The following OSBPL8 variants were observed in gnomAD, a reference collection of about 807,000 sequenced individuals.
The protein encoded by OSBPL8 is oxysterol-binding protein-related protein 8.
A neutral mutation model predicts 125.5 loss-of-function variants in OSBPL8; 59 were observed. The ratio of observed to expected loss-of-function variants is 0.47; its 90% CI spans 0.38 to 0.58. The LOEUF is 0.58. Among genes scored for constraint, OSBPL8 ranks in the 20% least tolerant of loss-of-function variants. OSBPL8 has a pLI of 0.00. For missense variants in OSBPL8, 758 were observed against 1,047.8 expected (o/e 0.72, Z 3.82); for synonymous variants, 330 against 338.9 (o/e 0.97, Z 0.29).
intron 1 of OSBPL8, among the ~76,000 whole-genome samples, chr12:76,511,240 A>G (rs545216542): frequency 9.2e-5 from 14 of 152,300 alleles, no homozygotes; most frequent in African/African-American, 3.1e-4. Context: ...AGTGATTTAT[A>G]TTCCTCTGGG....
intron 6 of OSBPL8, among the ~76,000 whole-genome samples, chr12:76,401,542 C>A (rs889487071): frequency 6.6e-6 from 1 of 152,162 alleles, no homozygotes. Context: ...GAGGCAGAGA[C>A]AGTAACCTGC....
chr12:76,523,022 G>A (rs901618022), intron 1 of OSBPL8, among the ~76,000 whole-genome samples: 1 of 152,060 alleles, frequency 6.6e-6, no homozygotes, highest in Non-Finnish European at 1.5e-5. Flanking sequence ...ATTTTTTGTA[G>A]AGACGGGGTC....
chr12:76,438,876 T>G (rs1871828358), intron 4 of OSBPL8, among the ~76,000 whole-genome samples: 1 of 152,214 alleles, frequency 6.6e-6, no homozygotes, highest in African/African-American at 2.4e-5. Context: ...TTTTTGAACT[T>G]CTGCGTCTAG....
At chr12:76,461,324 T>G (rs1046572455) in intron 2 of OSBPL8, among the ~76,000 whole-genome samples, 1 of 152,190 alleles carries the variant, frequency 6.6e-6, no homozygotes, top group Non-Finnish European at 1.5e-5. Context: ...GAAAGCCAAC[T>G]GTCACTTCAT....
chr12:76,486,730 T>C (rs1309689939), intron 2 of OSBPL8, among the ~76,000 whole-genome samples: 2 of 152,226 alleles, frequency 1.3e-5, no homozygotes, highest in Non-Finnish European at 2.9e-5. Context: ...TAAATCTTTA[T>C]ATTTTTATAA....
chr12:76,356,302 T>C (rs956462190), intron 23 of OSBPL8, among the ~76,000 whole-genome samples: 11 of 152,144 alleles, frequency 7.2e-5, no homozygotes, highest in Admixed American at 1.3e-4. Flanking sequence ...GAGGGGACTA[T>C]AGAGGCCTTT....
intron 1 of OSBPL8, among the ~76,000 whole-genome samples, chr12:76,548,492 C>T (rs1300590496): frequency 6.6e-6 from 1 of 152,154 alleles, no homozygotes; most frequent in African/African-American, 2.4e-5. Flanking sequence ...TATTTCCAAG[C>T]AGTTTCTAAA....
At chr12:76,512,250 T>G (rs76054428) in intron 1 of OSBPL8, among the ~76,000 whole-genome samples, 54 of 152,344 alleles carry the variant, frequency 3.5e-4, no homozygotes, top group Middle Eastern at 3.4e-3. Context: ...CTGAGTTAGT[T>G]TGCTAAAGAA....
At chr12:76,412,714 A>C (rs11833763) in intron 4 of OSBPL8, among the ~76,000 whole-genome samples, 33,316 of 152,034 alleles carry the variant, frequency 0.22, 3,879 homozygotes, top group Non-Finnish European at 0.27. Flanking sequence ...CACACACACA[A>C]AAAAATTAAC....
At chr12:76,436,176 T>A (rs1871419530) in intron 4 of OSBPL8, among the ~76,000 whole-genome samples, 1 of 152,138 alleles carries the variant, frequency 6.6e-6, no homozygotes, top group African/African-American at 2.4e-5. Flanking sequence ...AATGCTTGCA[T>A]CTTTTTACTT....
intron 8 of OSBPL8, among the ~76,000 whole-genome samples, chr12:76,395,246 G>C (rs1454009029): frequency 6.6e-5 from 10 of 151,982 alleles, no homozygotes; most frequent in Admixed American, 6.6e-4. Context: ...AAACATGAAA[G>C]AAAAAGAAAT....
chr12:76,371,191 T>G, intron 19 of OSBPL8: 1 of 279,440 alleles, frequency 3.6e-6, no homozygotes, highest in Non-Finnish European at 6.5e-6. Flanking sequence ...AAAAACGTTC[T>G]TTCTTTCTTT....
At chr12:76,411,225 G>A (rs1954501518) in intron 4 of OSBPL8, among the ~76,000 whole-genome samples, 1 of 152,054 alleles carries the variant, frequency 6.6e-6, no homozygotes, top group African/African-American at 2.4e-5. Flanking sequence ...AGACAAACAT[G>A]CATATACTCC....
intron 1 of OSBPL8, among the ~76,000 whole-genome samples, chr12:76,505,100 A>G (rs966732754): frequency 6.6e-6 from 1 of 152,164 alleles, no homozygotes. Context: ...GTACTAATAC[A>G]ACTCCAGTCT....
chr12:76,405,701 G>A (rs142691574), intron 5 of OSBPL8, among the ~76,000 whole-genome samples: 56 of 152,064 alleles, frequency 3.7e-4, no homozygotes, highest in Admixed American at 6.6e-4. Flanking sequence ...TTACTACCTC[G>A]GTTTTCTGAA....
chr12:76,387,419 T>C (rs375231445), intron 12 of OSBPL8, among the ~76,000 whole-genome samples: 4 of 152,194 alleles, frequency 2.6e-5, no homozygotes, highest in East Asian at 1.9e-4. Context: ...CCAGAATTAA[T>C]AAAAACTCAA....
At chr12:76,443,258 G>C (rs1872394498) in intron 4 of OSBPL8, among the ~76,000 whole-genome samples, 2 of 151,982 alleles carry the variant, frequency 1.3e-5, no homozygotes, top group South Asian at 4.2e-4. Context: ...ATTGAAAGAT[G>C]GTTTTTTAAA....
intron 2 of OSBPL8, among the ~76,000 whole-genome samples, chr12:76,484,726 C>T (rs1877938722): frequency 6.6e-6 from 1 of 152,080 alleles, no homozygotes; most frequent in Admixed American, 6.6e-5. Context: ...TAAACAGTAA[C>T]TAGCTTAGAC....
rs1565862421 is a variant in OSBPL8, at chr12:76,397,715, C to G, written c.651G>C (p.Glu217Asp). Residue 217 changes from glutamate to aspartate, a missense_variant, in exon 8 of 24, where the codon GAG (glutamate) becomes GAC (aspartate). By Grantham distance (45) the Glu-to-Asp change is conservative (BLOSUM62 2). Transcript: ENST00000261183. ...ATACCTTCACTGCCCAAATAGATTGCTCCAAAGGATGGAAAAGTTTGAAAC... is the reference window on the plus strand; with the variant it reads ...ATACCTTCACTGCCCAAATAGATTGGTCCAAAGGATGGAAAAGTTTGAAAC... ...GFCFKLFHPL[E>D]QSIWAVKGPK... 1 of 1,614,032 alleles carries G rather than the reference C, an allele frequency of 6.2e-7. No individual in the cohort carries two copies. Among genetic ancestry groups the G allele is most frequent in the Non-Finnish European group, 8.5e-7 (1 of 1,179,962 alleles).
Sources: gnomAD v4.1 joint callset for allele counts (sites outside exome capture counted in the v4.1 genomes callset) on GRCh38, gnomAD v4.1.1 for gene constraint, MANE v1.5 for transcripts, NCBI Gene and HGNC (gene_info 2026-07-23, HGNC 2026-07-21) for gene names.